Variants in SF3B3 observed in about 807,000 individuals in gnomAD.
The protein encoded by SF3B3 is SAP 130.
A neutral mutation model predicts 139.2 loss-of-function variants in SF3B3; 33 were observed. The observed-to-expected ratio is 0.24, with a 90% CI of 0.18 to 0.32. The LOEUF is 0.32. Among genes scored for constraint, SF3B3 ranks in the 10% least tolerant of loss-of-function variants. SF3B3 has a pLI of 1.00. For missense variants in SF3B3, 818 were observed against 1,509.4 expected (o/e 0.54, Z 7.59); for synonymous variants, 596 against 563.6 (o/e 1.06, Z -0.81).
intron 18 of SF3B3, 71 bp downstream of exon 18, chr16:70,564,121 G>A (rs958263842): frequency 1.3e-4 from 191 of 1,501,428 alleles, no homozygotes; most frequent in Non-Finnish European, 1.7e-4. Flanking sequence ...TAAACTGCCC[G>A]GCACTTTGGG....
chr16:70,552,082 C>G (rs1234735865), intron 11 of SF3B3, among the ~76,000 whole-genome samples: 5 of 152,156 alleles, frequency 3.3e-5, no homozygotes, highest in African/African-American at 1.2e-4. Flanking sequence ...TTTGAGTAGT[C>G]TGAAGTCTTG....
In SF3B3 at chr16:70,565,203, G is replaced by A. The variant is rs377062798; in HGVS notation, c.2602G>A (p.Val868Met). The change falls in exon 19 of 26, where the codon GTG becomes ATG. Residue 868 changes from valine (V) to methionine (M), a missense_variant. Coordinates refer to ENST00000302516, the MANE Select transcript of SF3B3 (RefSeq NM_012426.5). ...GNGQWASVIR[V>M]MNPIQGNTLD... ...TGGGCAGTGGGCCTCTGTGATCCGA[G>A]TGATGAATCCCATTCAAGGGAACAC... The A allele has an allele frequency of 6.2e-7, 1 of 1,614,212 alleles. No homozygotes were observed. The highest frequency in any genetic ancestry group is 8.5e-7 in the Non-Finnish European group (1 of 1,180,044).
chr16:70,539,075 G>C, intron 7 of SF3B3, 29 bp from the exon 8 acceptor site: 1 of 1,501,414 alleles, frequency 6.7e-7, no homozygotes, highest in Non-Finnish European at 9.3e-7. Context: ...CACTTTGTTT[G>C]TACACCAGAA....
chr16:70,556,356 A>G, intron 14 of SF3B3, 22 bp downstream of exon 14: 1 of 1,613,910 alleles, frequency 6.2e-7, no homozygotes, highest in Non-Finnish European at 8.5e-7. Flanking sequence ...TCTGAGCTTC[A>G]AGGATCATCT....
chr16:70,564,078 A>G lies in SF3B3; in HGVS notation c.2463+28A>G, dbSNP rs77002026. The G allele has an allele frequency of 5.8e-3, 9,304 of 1,602,632 alleles. 525 individuals carry two copies. In the African/African-American group the frequency reaches 0.11, roughly 19 times the overall value. The stretch of plus-strand genomic sequence containing the variant: ...AATGAGACTAACGTTCAGGGGTTCT[A>G]TTAAAAGATGTGTGAAATTATGTTG... On this transcript the variant is annotated intron_variant, in intron 18 of 25. Transcript: ENST00000302516.
intron 1 of SF3B3, chr16:70,524,456 C>T (rs2050030483): frequency 6.6e-6 from 1 of 152,254 alleles, no homozygotes; most frequent in Non-Finnish European, 1.5e-5. Flanking sequence ...ATGCAGTGAG[C>T]AATCATACAA....
At chr16:70,536,396 C>T (rs1280373781) in intron 6 of SF3B3, among the ~76,000 whole-genome samples, 1 of 152,044 alleles carries the variant, frequency 6.6e-6, no homozygotes, top group East Asian at 1.9e-4. Context: ...CGGAGTCTCG[C>T]TCTGTCACCC....
chr16:70,568,591 T>C, intron 22 of SF3B3, 96 bp downstream of exon 22: 1 of 869,274 alleles, frequency 1.2e-6, no homozygotes. Context: ...ATCTGAGAAG[T>C]AAAAATGGAT....
At chr16:70,554,405 A>G in intron 11 of SF3B3, 41 bp from the exon 12 acceptor site, 2 of 1,599,656 alleles carry the variant, frequency 1.3e-6, no homozygotes, top group Non-Finnish European at 1.7e-6. Flanking sequence ...TGTAATTCTA[A>G]TGAGTTCTTA....
chr16:70,564,789 G>T (rs1479274442), intron 18 of SF3B3, among the ~76,000 whole-genome samples: 1 of 152,198 alleles, frequency 6.6e-6, no homozygotes, highest in Non-Finnish European at 1.5e-5. Flanking sequence ...TTTTTCTCAA[G>T]CCACTAGTCC....
chr16:70,561,901 T>A (rs1402260523), intron 17 of SF3B3, 117 bp downstream of exon 17: 1 of 824,004 alleles, frequency 1.2e-6, no homozygotes, highest in Non-Finnish European at 1.9e-6. Context: ...GACTTCACCA[T>A]GAAGCTTGTG....
chr16:70,575,263 A>G lies in SF3B3; in HGVS notation c.*3450A>G, dbSNP rs1301461362. On this transcript the variant is annotated 3_prime_UTR_variant, in exon 26 of 26. Coordinates refer to ENST00000302516, the MANE Select transcript of SF3B3 (RefSeq NM_012426.5). The stretch of plus-strand genomic sequence containing the variant: ...GCCCAGGCTAGAGTACAGAGGCACA[A>G]TCTCGGCTCACCACAGCCTCCGCCT... The G allele has an allele frequency of 1.4e-5, 2 of 146,404 alleles. No individual in the cohort carries two copies. The highest frequency in any genetic ancestry group is 3.0e-5 in the Non-Finnish European group (2 of 67,388). The allele number at this position is 146,404 out of a possible 1,614,324, so 9.1% of individuals were successfully genotyped here.
intron 2 of SF3B3, among the ~76,000 whole-genome samples, chr16:70,528,238 C>A (rs553676717): frequency 1.3e-3 from 187 of 144,760 alleles, no homozygotes; most frequent in Middle Eastern, 3.8e-3. Flanking sequence ...GACCTCGGCT[C>A]ACTGCAAACT....
In SF3B3 at chr16:70,575,411, C is replaced by T. The variant is rs1354134420; in HGVS notation, c.*3598C>T. 6.6e-6 allele frequency: 1 copy of T among 152,046 alleles called. No individual in the cohort carries two copies. The highest frequency in any genetic ancestry group is 1.5e-5 in the Non-Finnish European group (1 of 68,078). 9.4% of individuals were successfully genotyped at this position (152,046 alleles called of 1,614,324 possible). On this transcript the variant is annotated 3_prime_UTR_variant, in exon 26 of 26. Coordinates refer to ENST00000302516, the MANE Select transcript of SF3B3 (RefSeq NM_012426.5). ...ATGGGGTTTCACCATGTTGGCCAGGCTGGTTTCGAACTCGTGACCTCAGGT... is the reference window on the plus strand; with the variant it reads ...ATGGGGTTTCACCATGTTGGCCAGGTTGGTTTCGAACTCGTGACCTCAGGT...
chr16:70,554,182 G>C, intron 11 of SF3B3: 1 of 330,816 alleles, frequency 3.0e-6, no homozygotes, highest in Non-Finnish European at 5.6e-6. Flanking sequence ...TCATGTCTCC[G>C]ATTCTCTTGC....
chr16:70,555,353 C>G (rs935875542), intron 13 of SF3B3, 147 bp downstream of exon 13: 2 of 686,266 alleles, frequency 2.9e-6, no homozygotes, highest in African/African-American at 3.6e-5. Flanking sequence ...TGGCATGCAC[C>G]TTGTAGTCCT....
At chr16:70,530,023 A>T (rs1188073132) in intron 3 of SF3B3, among the ~76,000 whole-genome samples, 1 of 14,528 alleles carries the variant, frequency 6.9e-5, no homozygotes, top group Non-Finnish European at 1.1e-4. Context: ...AATCCCAGCT[A>T]CTTGGGGCAG....
Position 70,572,755 on chromosome 16 carries a change from G to A in SF3B3, c.*942G>A, listed in dbSNP as rs751297617. The A allele has an allele frequency of 2.0e-5, 3 of 152,230 alleles. No individual in the cohort carries two copies. Among genetic ancestry groups the A allele is most frequent in the Non-Finnish European group, 2.9e-5 (2 of 68,112 alleles). 9.4% of individuals were successfully genotyped at this position (152,230 alleles called of 1,614,324 possible). The stretch of plus-strand genomic sequence containing the variant: ...TGAGAACTGTGTATATGTGGGGCCT[G>A]TCTGCAGCACCCATCTCAGGTGGGT... On this transcript the variant is annotated 3_prime_UTR_variant, in exon 26 of 26. Coordinates refer to ENST00000302516, the MANE Select transcript of SF3B3 (RefSeq NM_012426.5).
Position 70,544,539 on chromosome 16 carries a change from G to A in SF3B3, c.1329+6G>A. ...TCCTAAGACATGGACTTGAGGTAAG[G>A]TTGCAATTTCTAGATAATCTGCAGG... On this transcript the variant is annotated splice_donor_region_variant and intron_variant, in intron 10 of 25. Coordinates refer to ENST00000302516, the MANE Select transcript of SF3B3 (RefSeq NM_012426.5). 6.4e-7 allele frequency: 1 copy of A among 1,569,836 alleles called. No homozygotes were observed. The highest frequency in any genetic ancestry group is 1.1e-5 in the South Asian group (1 of 90,160).
Sources: gnomAD v4.1 joint callset for allele counts (sites outside exome capture counted in the v4.1 genomes callset) on GRCh38, gnomAD v4.1.1 for gene constraint, MANE v1.5 for transcripts, NCBI Gene and HGNC (gene_info 2026-07-23, HGNC 2026-07-21) for gene names.